Variants in CYRIA observed in about 807,000 individuals in gnomAD.
The protein encoded by CYRIA is CYFIP-related Rac1 interactor A.
Under a neutral mutation model 43.9 loss-of-function variants are expected in CYRIA, and 15 were observed. That is an observed-to-expected ratio of 0.34 (90% confidence interval 0.23 to 0.53). The LOEUF is 0.53. Ranked by LOEUF, CYRIA falls within the 20% of genes least tolerant of loss-of-function variation. The pLI is 0.94. For missense variants in CYRIA, 236 were observed against 394.2 expected, an observed-to-expected ratio of 0.60 and a Z score of 3.40; for synonymous variants, 117 against 136.0, an observed-to-expected ratio of 0.86 and a Z score of 0.97.
intron 4 of CYRIA, among the ~76,000 whole-genome samples, chr2:16,564,677 T>G (rs900676686): frequency 6.6e-6 from 1 of 152,138 alleles, no homozygotes; most frequent in African/African-American, 2.4e-5. Flanking sequence ...TGCGTATGTG[T>G]GTGTGTGTAT....
chr2:16,625,561 C>A (rs1300815011), intron 1 of CYRIA, among the ~76,000 whole-genome samples: 4 of 152,144 alleles, frequency 2.6e-5, no homozygotes, highest in Admixed American at 6.5e-5. Context: ...GGTAACAGGG[C>A]AGGGCAAAGA....
intron 2 of CYRIA, among the ~76,000 whole-genome samples, chr2:16,600,014 C>T (rs1668147872): frequency 6.6e-6 from 1 of 152,170 alleles, no homozygotes; most frequent in African/African-American, 2.4e-5. Context: ...CCTCGGTCTC[C>T]CAAAGTGCTG....
At chr2:16,601,074 T>G (rs1368023642) in intron 2 of CYRIA, among the ~76,000 whole-genome samples, 2 of 152,088 alleles carry the variant, frequency 1.3e-5, no homozygotes, top group Non-Finnish European at 2.9e-5. Flanking sequence ...ACACGCTCAT[T>G]TTTTCTGGGG....
intron 1 of CYRIA, among the ~76,000 whole-genome samples, chr2:16,638,113 A>G (rs1054227357): frequency 6.6e-6 from 1 of 152,218 alleles, no homozygotes; most frequent in African/African-American, 2.4e-5. Context: ...ACCGAAGCCT[A>G]CCTGTTAGGT....
intron 10 of CYRIA, 61 bp from the exon 11 acceptor site, chr2:16,555,200 A>G (rs1213312901): frequency 2.1e-6 from 3 of 1,396,244 alleles, no homozygotes; most frequent in East Asian, 4.6e-5. Context: ...GCCAATATCT[A>G]CCCATAATAA....
chr2:16,659,269 G>T (rs571844690), intron 1 of CYRIA, among the ~76,000 whole-genome samples: 1 of 152,336 alleles, frequency 6.6e-6, no homozygotes, highest in East Asian at 1.9e-4. Flanking sequence ...GATACAGAGA[G>T]ATCAGGCTTT....
At chr2:16,582,183 T>C (rs56294954) in intron 3 of CYRIA, among the ~76,000 whole-genome samples, 5,013 of 152,222 alleles carry the variant, frequency 0.033, 252 homozygotes, top group African/African-American at 0.097. Context: ...TCTTAGTGCA[T>C]GTAAATTATG....
chr2:16,664,983 A>T (rs1207636442), intron 1 of CYRIA, among the ~76,000 whole-genome samples: 1 of 152,102 alleles, frequency 6.6e-6, no homozygotes, highest in East Asian at 1.9e-4. Flanking sequence ...ATAGCTTTGG[A>T]GGCCTTAAAT....
chr2:16,619,346 C>T (rs1394757286), intron 2 of CYRIA, among the ~76,000 whole-genome samples: 2 of 152,096 alleles, frequency 1.3e-5, no homozygotes, highest in African/African-American at 4.8e-5. Context: ...TACATACACA[C>T]GTACATAAAA....
chr2:16,605,030 C>T (rs925938434), intron 2 of CYRIA, among the ~76,000 whole-genome samples: 3 of 152,008 alleles, frequency 2.0e-5, no homozygotes, highest in Admixed American at 6.5e-5. Context: ...ATATTCTCAT[C>T]GATCATTAAT....
intron 1 of CYRIA, among the ~76,000 whole-genome samples, chr2:16,630,120 C>T (rs1669285274): frequency 6.6e-6 from 1 of 152,188 alleles, no homozygotes; most frequent in Non-Finnish European, 1.5e-5. Flanking sequence ...TAGACATCAC[C>T]TGGATGTTCT....
intron 11 of CYRIA, 95 bp from the exon 12 acceptor site, chr2:16,553,094 G>A (rs1400978592): frequency 1.2e-6 from 1 of 805,618 alleles, no homozygotes; most frequent in African/African-American, 1.7e-5. Context: ...TGATATTTGG[G>A]CTTATTTCTT....
At position 16,561,633 on chromosome 2, in the gene CYRIA, A is replaced by T. The variant is rs966100331; in HGVS notation, c.436-100T>A. On this transcript the variant is annotated intron_variant, in intron 6 of 11. Transcript: ENST00000381323. ...CACTAGATTTTATAAATACTCCAGGACTTCTCTTTGTTACATAAGAGTCAA... is the reference window on the plus strand; with the variant it reads ...CACTAGATTTTATAAATACTCCAGGTCTTCTCTTTGTTACATAAGAGTCAA... 3 of 901,746 alleles carry T rather than the reference A, an allele frequency of 3.3e-6. No homozygotes were observed. The African/African-American group carries it at 5.0e-5, about 15-fold the overall frequency. The allele number at this position is 901,746 out of a possible 1,614,324, so 55.9% of individuals were successfully genotyped here.
rs1418420697 is a variant in CYRIA, at chr2:16,650,929, CTTCT to C, written c.-167+14847_-167+14850del. 6.6e-6 allele frequency among the ~76,000 whole-genome samples: 1 copy of C among 152,098 alleles called. No individual in the cohort carries two copies. Among genetic ancestry groups the C allele is most frequent in the South Asian group, 2.1e-4 (1 of 4,822 alleles). ...TTGTTCTTTTTCTTTGCTTTATTAT[CTTCT>C]TTCTCTCTTACTTTCACTTTAAAAA... On this transcript the variant is annotated intron_variant, in intron 1 of 11. Transcript: ENST00000381323. The surrounding 1 kb of genome is among the most constrained non-coding windows in gnomAD (Gnocchi z 4.1).
chr2:16,574,158 C>T (rs1157126376), intron 3 of CYRIA, among the ~76,000 whole-genome samples: 2 of 152,104 alleles, frequency 1.3e-5, no homozygotes, highest in Non-Finnish European at 2.9e-5. Context: ...AAAGGTGACT[C>T]TTGTTATGTT....
At position 16,551,982 on chromosome 2, in the gene CYRIA, T is replaced by G. The variant is rs1014283011; in HGVS notation, c.*954A>C. 6.6e-6 allele frequency: 1 copy of G among 152,110 alleles called. No homozygotes were observed. The highest frequency in any genetic ancestry group is 1.5e-5 in the Non-Finnish European group (1 of 68,012). 9.4% of individuals were successfully genotyped at this position (152,110 alleles called of 1,614,324 possible). A position where few individuals can be genotyped will look rare whatever the true frequency, so the allele number is the denominator to read the frequency against. On this transcript the variant is annotated 3_prime_UTR_variant, in exon 12 of 12. Transcript: ENST00000381323. ...TTTTTCCCTCTAAATTCCCCTAGTT[T>G]TCTGGTAACTAATGCAGTATCCTAG...
intron 4 of CYRIA, 46 bp downstream of exon 4, chr2:16,565,600 C>G: frequency 6.7e-7 from 1 of 1,491,944 alleles, no homozygotes. Context: ...TGTGGTTTTC[C>G]TTCCCCTCCT....
intron 3 of CYRIA, among the ~76,000 whole-genome samples, chr2:16,573,024 T>C (rs1667197413): frequency 6.6e-6 from 1 of 152,200 alleles, no homozygotes; most frequent in Non-Finnish European, 1.5e-5. Context: ...ATGTGCTATA[T>C]TTCATCCCTC....
In CYRIA at chr2:16,608,311, T is replaced by C. The variant is rs138835364; in HGVS notation, c.-11+15553A>G. 1.8e-3 allele frequency among the ~76,000 whole-genome samples: 274 copies of C among 152,336 alleles called. 1 individual carries two copies. The highest frequency in any genetic ancestry group is 5.7e-3 in the African/African-American group (239 of 41,574). ...ACTTTTGGGTGATTAGCCCTTTTGT[T>C]TTAGGACCAGAGACTACTTTGAAAA... On this transcript the variant is annotated intron_variant, in intron 2 of 11. Coordinates refer to ENST00000381323, the MANE Select transcript of CYRIA (RefSeq NM_030797.4).
Sources: allele counts gnomAD v4.1 joint callset (sites outside exome capture counted in the v4.1 genomes callset), GRCh38; gene constraint gnomAD v4.1.1; non-coding constraint Gnocchi (gnomAD v3.1); transcripts MANE v1.5; gene names NCBI Gene and HGNC (gene_info 2026-07-23, HGNC 2026-07-21).